CNTN3: variants seen among roughly 807,000 people sequenced by gnomAD.
CNTN3 encodes the protein contactin 3, also known as contactin-3.
Under a neutral mutation model 119.1 loss-of-function variants are expected in CNTN3, and 60 were observed. The ratio of observed to expected loss-of-function variants is 0.50; its 90% CI spans 0.41 to 0.62. CNTN3 has a LOEUF of 0.62. Ranked by LOEUF, CNTN3 falls within the 20% of genes least tolerant of loss-of-function variation. The pLI is 0.00. For missense variants in CNTN3, 1,101 were observed against 1,242.4 expected (o/e 0.89, Z 1.71); for synonymous variants, 450 against 438.7 (o/e 1.03, Z -0.32).
chr3:74,398,496 A>G (rs2106844187), intron 5 of CNTN3, among the ~76,000 whole-genome samples: 1 of 152,358 alleles, frequency 6.6e-6, no homozygotes, highest in East Asian at 1.9e-4. Context: ...CACAGCTTTT[A>G]TATGCATTAG....
At chr3:74,493,161 C>T (rs921674223) in intron 3 of CNTN3, among the ~76,000 whole-genome samples, 1 of 152,036 alleles carries the variant, frequency 6.6e-6, no homozygotes, top group African/African-American at 2.4e-5. Flanking sequence ...AACCTTTTCA[C>T]AAAACCACAC....
chr3:74,477,175 C>T (rs866951880), intron 4 of CNTN3, among the ~76,000 whole-genome samples: 1 of 152,084 alleles, frequency 6.6e-6, no homozygotes, highest in Non-Finnish European at 1.5e-5. Context: ...ATCCACACAC[C>T]TACTGAGATA....
chr3:74,596,485 A>G (rs1018282384), intron 1 of CNTN3, among the ~76,000 whole-genome samples: 3 of 152,148 alleles, frequency 2.0e-5, no homozygotes. Flanking sequence ...GTACCAAAAC[A>G]GAGATATAGA....
intron 1 of CNTN3, among the ~76,000 whole-genome samples, chr3:74,602,681 TTG>T (rs1704931101): frequency 6.6e-6 from 1 of 152,082 alleles, no homozygotes; most frequent in Non-Finnish European, 1.5e-5. Flanking sequence ...AGAGTATATT[TTG>T]TGTGTATGAG....
chr3:74,476,671 A>C (rs1702661343), intron 4 of CNTN3, among the ~76,000 whole-genome samples: 1 of 152,206 alleles, frequency 6.6e-6, no homozygotes, highest in African/African-American at 2.4e-5. Context: ...TAAAGTAACA[A>C]AGGAAAATGA....
intron 1 of CNTN3, among the ~76,000 whole-genome samples, chr3:74,538,655 C>T (rs1703798994): frequency 6.6e-6 from 1 of 152,124 alleles, no homozygotes; most frequent in Non-Finnish European, 1.5e-5. Context: ...TGAAAACATA[C>T]ATATTTTATG....
rs928721224 is a variant in CNTN3, at chr3:74,365,714, G to T, written c.947-12C>A. Reference sequence around the variant, plus strand: ...CCAATGGGGCTTTGCTTCAATGAAAGAAAAGGAAAAAGAAAAGAAATTTAA... The same window carrying T: ...CCAATGGGGCTTTGCTTCAATGAAATAAAAGGAAAAAGAAAAGAAATTTAA... On this transcript the variant is annotated splice_polypyrimidine_tract_variant and intron_variant, in intron 8 of 22. Coordinates refer to ENST00000263665, the MANE Select transcript of CNTN3 (RefSeq NM_020872.3). 11 of 1,587,198 alleles carry T rather than the reference G, an allele frequency of 6.9e-6. No homozygotes were observed. The highest frequency in any genetic ancestry group is 8.6e-6 in the Non-Finnish European group (10 of 1,167,370).
intron 4 of CNTN3, among the ~76,000 whole-genome samples, chr3:74,449,331 A>T (rs1308315570): frequency 6.6e-6 from 1 of 152,068 alleles, no homozygotes; most frequent in South Asian, 2.1e-4. Context: ...ATACCACTGC[A>T]GTACAGAGTT....
At chr3:74,336,732 C>T (rs746987541) in intron 11 of CNTN3, 74 bp from the exon 12 acceptor site, 10 of 1,236,804 alleles carry the variant, frequency 8.1e-6, no homozygotes, top group Non-Finnish European at 1.1e-5. Flanking sequence ...CATATTTTTA[C>T]AGAACATGTT....
intron 5 of CNTN3, among the ~76,000 whole-genome samples, chr3:74,424,119 C>T (rs957569254): frequency 6.6e-6 from 1 of 152,050 alleles, no homozygotes; most frequent in African/African-American, 2.4e-5. Flanking sequence ...GTGATTTATT[C>T]ATTAATAATG....
intron 2 of CNTN3, among the ~76,000 whole-genome samples, chr3:74,505,925 C>T (rs1459481366): frequency 6.6e-6 from 1 of 152,068 alleles, no homozygotes; most frequent in African/African-American, 2.4e-5. Context: ...CATGATTTTT[C>T]TCATTGCATG....
chr3:74,298,710 A>C (rs1033505280), intron 17 of CNTN3, among the ~76,000 whole-genome samples: 7 of 151,890 alleles, frequency 4.6e-5, no homozygotes, highest in African/African-American at 1.7e-4. Context: ...CAGTCTGTCC[A>C]ATATGGTGAA....
intron 4 of CNTN3, among the ~76,000 whole-genome samples, chr3:74,428,986 T>C (rs1701740728): frequency 6.6e-6 from 1 of 152,206 alleles, no homozygotes; most frequent in South Asian, 2.1e-4. Context: ...TAGGCTATAC[T>C]ATACAGCCTA....
intron 11 of CNTN3, among the ~76,000 whole-genome samples, chr3:74,341,070 CAA>C (rs1351776198): frequency 1.5e-4 from 23 of 152,234 alleles, no homozygotes; most frequent in African/African-American, 5.5e-4. Context: ...CAGAATCACA[CAA>C]AGACTTCAAA....
intron 1 of CNTN3, among the ~76,000 whole-genome samples, chr3:74,588,343 C>G (rs1704635268): frequency 6.6e-6 from 1 of 152,090 alleles, no homozygotes; most frequent in Non-Finnish European, 1.5e-5. Context: ...CATGAGTGAA[C>G]TCCCGTTCAC....
At chr3:74,343,134 G>A (rs924426844) in intron 11 of CNTN3, among the ~76,000 whole-genome samples, 46 of 152,152 alleles carry the variant, frequency 3.0e-4, no homozygotes, top group African/African-American at 1.1e-3. Context: ...TTGTATTACA[G>A]ATAAAGGTGA....
intron 1 of CNTN3, among the ~76,000 whole-genome samples, chr3:74,553,677 C>A (rs916055940): frequency 6.6e-6 from 1 of 150,990 alleles, no homozygotes; most frequent in South Asian, 2.1e-4. Flanking sequence ...TGCATTTCTC[C>A]ATTTTTTCAT....
At chr3:74,286,819 G>C (rs1702123830) in intron 19 of CNTN3, among the ~76,000 whole-genome samples, 1 of 152,202 alleles carries the variant, frequency 6.6e-6, no homozygotes, top group Non-Finnish European at 1.5e-5. Context: ...ACACCTGAGA[G>C]ATACAGGCTA....
At chr3:74,448,272 C>A (rs1025043106) in intron 4 of CNTN3, among the ~76,000 whole-genome samples, 1 of 152,074 alleles carries the variant, frequency 6.6e-6, no homozygotes. Context: ...AGATAAGTTT[C>A]TTTTAACCAA....
Sources: allele counts gnomAD v4.1 joint callset (sites outside exome capture counted in the v4.1 genomes callset), GRCh38; gene constraint gnomAD v4.1.1; transcripts MANE v1.5; gene names NCBI Gene and HGNC (gene_info 2026-07-23, HGNC 2026-07-21).